The following CDH13 variants were observed in gnomAD, a reference collection of about 807,000 sequenced individuals.
The protein encoded by CDH13 is cadherin-13.
In CDH13, 24 loss-of-function variants were observed where a neutral mutation model predicts 63.8. The ratio of observed to expected loss-of-function variants is 0.38; its 90% CI spans 0.27 to 0.53. The LOEUF (loss-of-function observed/expected upper bound fraction) is 0.53. Ranked by LOEUF, CDH13 falls within the 20% of genes least tolerant of loss-of-function variation. The probability of loss-of-function intolerance (pLI) is 0.85; values close to 1 mark genes in which losing one functional copy is unlikely to be tolerated. For synonymous variants in CDH13, 503 were observed against 355.3 expected (o/e 1.42, Z -4.67); for missense variants, 1,049 against 903.1 (o/e 1.16, Z -2.07).
At chr16:83,381,435 A>G (rs759105670) in intron 6 of CDH13, among the ~76,000 whole-genome samples, 1 of 151,918 alleles carries the variant, frequency 6.6e-6, no homozygotes, top group East Asian at 1.9e-4. Context: ...TGCGTTCCCT[A>G]TCCATGTTCA....
At position 82,979,421 on chromosome 16, in the gene CDH13, T is replaced by C. The variant is rs1909965276; in HGVS notation, c.158-52589T>C. On this transcript the variant is annotated intron_variant, in intron 2 of 13. Coordinates refer to ENST00000567109, the MANE Select transcript of CDH13 (RefSeq NM_001257.5). The stretch of plus-strand genomic sequence containing the variant: ...AAATTTCATCTTGAATTATAGTTCC[T>C]GTAATCCCTACATGTGGTGGGAGGG... Among the ~76,000 whole-genome samples, 4 of 152,172 alleles carry C rather than the reference T, an allele frequency of 2.6e-5. No individual in the cohort carries two copies. In the South Asian group the frequency reaches 8.3e-4, roughly 32 times the overall value.
At chr16:83,599,273 C>T (rs1396214330) in intron 7 of CDH13, among the ~76,000 whole-genome samples, 1 of 152,196 alleles carries the variant, frequency 6.6e-6, no homozygotes, top group Non-Finnish European at 1.5e-5. Flanking sequence ...CCTTCTTATG[C>T]CACCATCATA....
chr16:83,412,302 A>C (rs2092139948), intron 6 of CDH13, among the ~76,000 whole-genome samples: 1 of 152,116 alleles, frequency 6.6e-6, no homozygotes, highest in Non-Finnish European at 1.5e-5. Flanking sequence ...TCTCTACTAA[A>C]AATACAAAAA....
At chr16:82,693,102 G>C (rs759430800) in intron 1 of CDH13, among the ~76,000 whole-genome samples, 3 of 152,150 alleles carry the variant, frequency 2.0e-5, no homozygotes, top group Non-Finnish European at 4.4e-5. Flanking sequence ...CAGAAACTAG[G>C]AGTCTCAGTA....
chr16:83,305,263 C>A (rs1018618139), intron 5 of CDH13, among the ~76,000 whole-genome samples: 4 of 152,156 alleles, frequency 2.6e-5, no homozygotes, highest in Non-Finnish European at 5.9e-5. Flanking sequence ...TTTACTTAAG[C>A]ATGGTTCAAT....
intron 8 of CDH13, among the ~76,000 whole-genome samples, chr16:83,631,528 C>G (rs1910778904): frequency 2.0e-5 from 3 of 152,050 alleles, no homozygotes; most frequent in Admixed American, 2.0e-4. Context: ...AGATCCACAG[C>G]AAAATGATGG....
intron 7 of CDH13, among the ~76,000 whole-genome samples, chr16:83,532,641 T>C (rs1481871464): frequency 6.6e-6 from 1 of 152,232 alleles, no homozygotes; most frequent in African/African-American, 2.4e-5. Flanking sequence ...ACATTCGCCA[T>C]GTCAGTTTCT....
intron 1 of CDH13, among the ~76,000 whole-genome samples, chr16:82,832,917 A>T (rs982121722): frequency 1.3e-5 from 2 of 152,242 alleles, no homozygotes; most frequent in Admixed American, 6.5e-5. Context: ...GATGCTTAAG[A>T]GGCTGCTTTG....
intron 11 of CDH13, among the ~76,000 whole-genome samples, chr16:83,751,072 CT>C (rs773408296): frequency 1.3e-4 from 20 of 151,668 alleles, no homozygotes; most frequent in Non-Finnish European, 2.8e-4. Context: ...ATGGCAGGTT[CT>C]TTGTGTGCAA....
chr16:82,652,204 G>A (rs1910799367), intron 1 of CDH13, among the ~76,000 whole-genome samples: 1 of 152,200 alleles, frequency 6.6e-6, no homozygotes, highest in African/African-American at 2.4e-5. Flanking sequence ...AGAGTCTTGT[G>A]CTTCAGAAAA....
At chr16:82,904,658 T>C (rs575419649) in intron 2 of CDH13, among the ~76,000 whole-genome samples, 2 of 152,278 alleles carry the variant, frequency 1.3e-5, no homozygotes, top group Admixed American at 6.5e-5. Context: ...TGGGTGGGCA[T>C]AGTAGTCTTT....
chr16:83,288,398 T>A (rs2089378831), intron 5 of CDH13, among the ~76,000 whole-genome samples: 1 of 152,198 alleles, frequency 6.6e-6, no homozygotes, highest in Non-Finnish European at 1.5e-5. Flanking sequence ...GAGGAGGGAA[T>A]CAAATTAGGC....
At chr16:83,685,138 AT>A (rs1322802878) in intron 10 of CDH13, among the ~76,000 whole-genome samples, 1 of 152,160 alleles carries the variant, frequency 6.6e-6, no homozygotes, top group Non-Finnish European at 1.5e-5. Flanking sequence ...AGTCATCCAC[AT>A]TTTTATTTAA....
intron 7 of CDH13, among the ~76,000 whole-genome samples, chr16:83,487,843 C>T (rs887732924): frequency 1.2e-4 from 19 of 152,278 alleles, no homozygotes; most frequent in African/African-American, 4.3e-4. Context: ...TCTGCTTTCT[C>T]CTCTCTTATG....
intron 6 of CDH13, among the ~76,000 whole-genome samples, chr16:83,408,520 G>A (rs999868917): frequency 1.6e-4 from 24 of 152,076 alleles, no homozygotes; most frequent in African/African-American, 5.3e-4. Flanking sequence ...AAATATGTGT[G>A]TATCTAAACA....
chr16:83,061,798 C>G (rs1217283887), intron 3 of CDH13, among the ~76,000 whole-genome samples: 1 of 152,206 alleles, frequency 6.6e-6, no homozygotes, highest in Non-Finnish European at 1.5e-5. Flanking sequence ...GAATCTGTGT[C>G]TCAGTCTCCC....
chr16:83,732,568 A>G (rs908222852), intron 10 of CDH13, among the ~76,000 whole-genome samples: 6 of 152,226 alleles, frequency 3.9e-5, no homozygotes, highest in Non-Finnish European at 5.9e-5. Context: ...TTCTGTTTCT[A>G]CACTAGTGCT....
chr16:83,010,648 A>T (rs1914056019), intron 2 of CDH13, among the ~76,000 whole-genome samples: 1 of 152,164 alleles, frequency 6.6e-6, no homozygotes, highest in African/African-American at 2.4e-5. Flanking sequence ...CTTGTGGGTG[A>T]ATCTGCTGCA....
intron 4 of CDH13, among the ~76,000 whole-genome samples, chr16:83,159,085 G>T (rs1432995812): frequency 6.6e-6 from 1 of 151,694 alleles, no homozygotes; most frequent in Non-Finnish European, 1.5e-5. Flanking sequence ...TCTTTGTCTT[G>T]CCTTCCATGT....
Sources: allele counts gnomAD v4.1 joint callset (sites outside exome capture counted in the v4.1 genomes callset), GRCh38; gene constraint gnomAD v4.1.1; transcripts MANE v1.5; gene names NCBI Gene and HGNC (gene_info 2026-07-23, HGNC 2026-07-21).